CALN1: variants seen among roughly 807,000 people sequenced by gnomAD.
The protein encoded by CALN1 is calneuron 1.
A neutral mutation model predicts 30.6 loss-of-function variants in CALN1; 17 were observed. The ratio of observed to expected loss-of-function variants is 0.56; its 90% CI spans 0.38 to 0.83. CALN1 has a LOEUF of 0.83. Among genes scored for constraint, CALN1 ranks in the 40% least tolerant of loss-of-function variants. The pLI is 0.00. For missense variants in CALN1, 291 were observed against 354.9 expected, an observed-to-expected ratio of 0.82 and a Z score of 1.45; for synonymous variants, 156 against 131.4, an observed-to-expected ratio of 1.19 and a Z score of -1.28.
Position 72,060,500 on chromosome 7 carries a change from G to A in CALN1, c.389-36731C>T, listed in dbSNP as rs1476787021. Among the ~76,000 whole-genome samples, 7 of 152,154 alleles carry A rather than the reference G, an allele frequency of 4.6e-5. No individual in the cohort carries two copies. In the East Asian group the frequency reaches 9.6e-4, roughly 21 times the overall value. On this transcript the variant is annotated intron_variant, in intron 4 of 6. Coordinates refer to ENST00000395275, the MANE Select transcript of CALN1 (RefSeq NM_031468.4). ...CCCGCCATTTTGTGTATGAAATCCT[G>A]GGCTCACCTGTAAGTTGTTCATGCC...
intron 3 of CALN1, among the ~76,000 whole-genome samples, chr7:72,163,391 T>TAAAA (rs1563111506): frequency 0.073 from 9,530 of 129,708 alleles, 566 homozygotes; most frequent in Non-Finnish European, 0.098. Context: ...TTATTGGAGA[T>TAAAA]TAAAAAAAAA....
At chr7:72,290,097 A>T (rs1323598569) in intron 2 of CALN1, among the ~76,000 whole-genome samples, 50 of 84,616 alleles carry the variant, frequency 5.9e-4, no homozygotes, top group African/African-American at 1.9e-3. Context: ...AAAAAAAAAA[A>T]AAAAAAAAAA....
chr7:72,226,021 G>A (rs889301205), intron 3 of CALN1, among the ~76,000 whole-genome samples: 16 of 151,462 alleles, frequency 1.1e-4, no homozygotes, highest in African/African-American at 1.9e-4. Flanking sequence ...ACTTGAACCC[G>A]GGAGGCAGGG....
At chr7:72,113,587 G>A (rs1421072886) in intron 3 of CALN1, among the ~76,000 whole-genome samples, 2 of 152,258 alleles carry the variant, frequency 1.3e-5, no homozygotes, top group African/African-American at 4.8e-5. Flanking sequence ...GCAAAGGATG[G>A]CCTGTAGCCA....
intron 2 of CALN1, among the ~76,000 whole-genome samples, chr7:72,399,817 G>C (rs549343965): frequency 1.3e-5 from 2 of 152,162 alleles, no homozygotes; most frequent in Non-Finnish European, 2.9e-5. Flanking sequence ...GGGCCTAGTG[G>C]GAGGTGTTTG....
intron 2 of CALN1, among the ~76,000 whole-genome samples, chr7:72,348,692 T>C (rs928834751): frequency 7.2e-5 from 11 of 152,184 alleles, no homozygotes; most frequent in Non-Finnish European, 1.6e-4. Context: ...ATACAGCCCA[T>C]ATGGATTGCC....
At chr7:71,816,833 T>G (rs1313901686) in intron 5 of CALN1, among the ~76,000 whole-genome samples, 1 of 152,114 alleles carries the variant, frequency 6.6e-6, no homozygotes, top group Non-Finnish European at 1.5e-5. Flanking sequence ...CCCGGCGTGG[T>G]GACGCATTCC....
chr7:72,123,794 T>C (rs922744395), intron 3 of CALN1, among the ~76,000 whole-genome samples: 2 of 152,198 alleles, frequency 1.3e-5, no homozygotes, highest in Non-Finnish European at 1.5e-5. Flanking sequence ...AATATCCCAT[T>C]ATCAATAGGA....
intron 5 of CALN1, among the ~76,000 whole-genome samples, chr7:72,017,718 A>C (rs1236702689): frequency 6.6e-6 from 1 of 152,206 alleles, no homozygotes; most frequent in African/African-American, 2.4e-5. Context: ...CAAACTGTGA[A>C]TATTTCATTT....
intron 4 of CALN1, among the ~76,000 whole-genome samples, chr7:72,101,450 T>C (rs548367192): frequency 2.6e-5 from 4 of 152,222 alleles, no homozygotes; most frequent in African/African-American, 9.6e-5. Context: ...CAGAAATATC[T>C]CTAAAATATA....
chr7:72,224,264 GAGGAGGTAAAATGCA>G (rs1793513475), intron 3 of CALN1, among the ~76,000 whole-genome samples: 1 of 152,084 alleles, frequency 6.6e-6, no homozygotes, highest in Admixed American at 6.6e-5. Context: ...TCATTCACTA[GAGGAGGTAAAATGCA>G]AAGGAAACAT....
At chr7:71,872,206 T>C (rs1791977652) in intron 5 of CALN1, among the ~76,000 whole-genome samples, 1 of 152,172 alleles carries the variant, frequency 6.6e-6, no homozygotes, top group Non-Finnish European at 1.5e-5. Flanking sequence ...TACCCCTGAT[T>C]GACTTATCCC....
At chr7:72,369,238 CA>C (rs1362154348) in intron 2 of CALN1, among the ~76,000 whole-genome samples, 5 of 150,484 alleles carry the variant, frequency 3.3e-5, no homozygotes, top group African/African-American at 1.2e-4. Context: ...ACCATCGCCA[CA>C]ATCAACATGG....
At chr7:72,315,934 G>A (rs1029062306) in intron 2 of CALN1, among the ~76,000 whole-genome samples, 2 of 151,818 alleles carry the variant, frequency 1.3e-5, no homozygotes, top group South Asian at 2.1e-4. Flanking sequence ...ATCACTTGAG[G>A]TCAAGAGCTC....
chr7:72,334,944 G>C (rs373808955), intron 2 of CALN1, among the ~76,000 whole-genome samples: 3 of 152,260 alleles, frequency 2.0e-5, no homozygotes, highest in East Asian at 3.9e-4. Flanking sequence ...GGCTACTCTG[G>C]AAACACAGCT....
chr7:71,787,372 G>C lies in CALN1; in HGVS notation c.*403C>G, dbSNP rs1311042014. The C allele has an allele frequency of 1.7e-5, 3 of 179,182 alleles. No individual in the cohort carries two copies. The highest frequency in any genetic ancestry group is 3.6e-5 in the Non-Finnish European group (3 of 82,350). The allele number at this position is 179,182 out of a possible 1,614,324, so 11.1% of individuals were successfully genotyped here. ...AGCAGAGAGTCTCCTGTTGACCCTT[G>C]GGTTGAAAGAATGGGGAGTGGAGGT... On this transcript the variant is annotated 3_prime_UTR_variant, in exon 7 of 7. Coordinates refer to ENST00000395275, the MANE Select transcript of CALN1 (RefSeq NM_031468.4).
chr7:71,921,592 C>T (rs1459907765), intron 5 of CALN1, among the ~76,000 whole-genome samples: 1 of 152,016 alleles, frequency 6.6e-6, no homozygotes, highest in Non-Finnish European at 1.5e-5. Context: ...AAGTGAGGTG[C>T]CATAATATTC....
At chr7:71,856,019 T>C (rs758757003) in intron 5 of CALN1, among the ~76,000 whole-genome samples, 5 of 152,020 alleles carry the variant, frequency 3.3e-5, no homozygotes, top group Non-Finnish European at 7.4e-5. Flanking sequence ...GGTCTCTATG[T>C]ATGTATGTAT....
intron 5 of CALN1, among the ~76,000 whole-genome samples, chr7:71,923,325 C>T (rs1795080191): frequency 6.6e-6 from 1 of 152,106 alleles, no homozygotes; most frequent in African/African-American, 2.4e-5. Context: ...CTGCCAGGCC[C>T]TATAAAAACA....
Sources: gnomAD v4.1 joint callset for allele counts (sites outside exome capture counted in the v4.1 genomes callset) on GRCh38, gnomAD v4.1.1 for gene constraint, MANE v1.5 for transcripts, NCBI Gene and HGNC (gene_info 2026-07-23, HGNC 2026-07-21) for gene names.